HECW2: variants seen among roughly 807,000 people sequenced by gnomAD.
HECW2 encodes the protein HECT, C2 and WW domain containing E3 ubiquitin protein ligase 2, also known as E3 ubiquitin-protein ligase HECW2.
In HECW2, 61 loss-of-function variants were observed where a neutral mutation model predicts 175.2. The ratio of observed to expected loss-of-function variants is 0.35; its 90% CI spans 0.28 to 0.43. The LOEUF is 0.43. Among genes scored for constraint, HECW2 ranks in the 20% least tolerant of loss-of-function variants. The pLI is 1.00. For synonymous variants in HECW2, 671 were observed against 731.0 expected (o/e 0.92, Z 1.32); for missense variants, 1,524 against 2,000.5 (o/e 0.76, Z 4.54).
chr2:196,212,186 T>A (rs1345085132), intron 28 of HECW2, among the ~76,000 whole-genome samples: 1 of 106,552 alleles, frequency 9.4e-6, no homozygotes, highest in Non-Finnish European at 1.9e-5. Flanking sequence ...TTCTCCCATG[T>A]GTGCAATGTA....
intron 2 of HECW2, among the ~76,000 whole-genome samples, chr2:196,346,700 T>C (rs1692965727): frequency 6.6e-6 from 1 of 152,132 alleles, no homozygotes; most frequent in Admixed American, 6.5e-5. Flanking sequence ...TCATAGGCCA[T>C]GTAGAAAATT....
chr2:196,352,362 C>T (rs1028416512), intron 2 of HECW2, among the ~76,000 whole-genome samples: 4 of 152,104 alleles, frequency 2.6e-5, no homozygotes, highest in African/African-American at 7.2e-5. Flanking sequence ...AAAAACAACA[C>T]GGGCTTAGAA....
chr2:196,473,011 G>T (rs1350484207), intron 1 of HECW2, among the ~76,000 whole-genome samples: 1 of 152,130 alleles, frequency 6.6e-6, no homozygotes, highest in Non-Finnish European at 1.5e-5. Context: ...ATTTCATAAT[G>T]AAATTGTAGA....
chr2:196,275,528 C>T (rs373629901), intron 15 of HECW2, among the ~76,000 whole-genome samples: 12 of 152,046 alleles, frequency 7.9e-5, no homozygotes, highest in African/African-American at 1.9e-4. Context: ...CCAAGGCGGG[C>T]GGATTACAAG....
At chr2:196,296,350 C>T (rs1023823777) in intron 13 of HECW2, among the ~76,000 whole-genome samples, 33 of 152,028 alleles carry the variant, frequency 2.2e-4, no homozygotes, top group African/African-American at 4.8e-4. Context: ...TCCATAGGCA[C>T]GTGAGATTCA....
At chr2:196,233,927 C>G (rs1160091629) in intron 21 of HECW2, among the ~76,000 whole-genome samples, 1 of 152,124 alleles carries the variant, frequency 6.6e-6, no homozygotes, top group Admixed American at 6.5e-5. Context: ...CAGATCTCAT[C>G]CTCCCTAGTT....
intron 2 of HECW2, among the ~76,000 whole-genome samples, chr2:196,347,142 T>C (rs1044300785): frequency 6.7e-6 from 1 of 150,100 alleles, no homozygotes; most frequent in African/African-American, 2.4e-5. Context: ...AACCTCTGCC[T>C]CCTGGGTTCA....
intron 2 of HECW2, among the ~76,000 whole-genome samples, chr2:196,357,642 T>C (rs1302296715): frequency 1.3e-5 from 2 of 152,196 alleles, no homozygotes; most frequent in Non-Finnish European, 2.9e-5. Context: ...GTAATCCCCA[T>C]GTGCCAAGGG....
chr2:196,396,887 G>A (rs913753564), intron 2 of HECW2, among the ~76,000 whole-genome samples: 4 of 152,036 alleles, frequency 2.6e-5, no homozygotes, highest in Non-Finnish European at 4.4e-5. Flanking sequence ...CGAGGCGGAC[G>A]GATCACGAGG....
At chr2:196,300,866 C>CTT (rs56333864) in intron 13 of HECW2, among the ~76,000 whole-genome samples, 11 of 150,868 alleles carry the variant, frequency 7.3e-5, no homozygotes, top group Admixed American at 1.3e-4. Context: ...ATCAGTTGCT[C>CTT]TTTTTTTTTC....
At chr2:196,332,108 T>A (rs932080347) in intron 4 of HECW2, among the ~76,000 whole-genome samples, 1 of 152,012 alleles carries the variant, frequency 6.6e-6, no homozygotes, top group Non-Finnish European at 1.5e-5. Flanking sequence ...CTTTTTTTTT[T>A]AATCTTCAAT....
chr2:196,589,249 G>T (rs965451425), intron 1 of HECW2, among the ~76,000 whole-genome samples: 13 of 152,106 alleles, frequency 8.5e-5, no homozygotes, highest in African/African-American at 3.1e-4. Context: ...TGCTGACCAA[G>T]CTTTTGAGGA....
At chr2:196,295,407 GAT>G (rs202111854) in intron 13 of HECW2, among the ~76,000 whole-genome samples, 1,891 of 152,250 alleles carry the variant, frequency 0.012, 35 homozygotes, top group African/African-American at 0.043. Flanking sequence ...CAGTGTTGCT[GAT>G]ATATTTTCAC....
chr2:196,486,443 C>G (rs566131086), intron 1 of HECW2, among the ~76,000 whole-genome samples: 1 of 152,206 alleles, frequency 6.6e-6, no homozygotes, highest in East Asian at 1.9e-4. Context: ...ACAGATGCAA[C>G]CCCCCTGGGC....
At chr2:196,243,036 T>C (rs1270124069) in intron 19 of HECW2, among the ~76,000 whole-genome samples, 5 of 152,166 alleles carry the variant, frequency 3.3e-5, no homozygotes. Flanking sequence ...AGAATGATTT[T>C]AGACACATAA....
chr2:196,292,493 T>C (rs1168184649), intron 14 of HECW2, 72 bp downstream of exon 14: 1 of 1,302,338 alleles, frequency 7.7e-7, no homozygotes, highest in African/African-American at 1.5e-5. Flanking sequence ...ACTTGAAGGG[T>C]AGGGCCAAGT....
chr2:196,240,646 A>C, intron 20 of HECW2, 84 bp from the exon 21 acceptor site: 1 of 1,235,164 alleles, frequency 8.1e-7, no homozygotes. Context: ...GAACATTTCC[A>C]TTTGCCACAA....
intron 1 of HECW2, among the ~76,000 whole-genome samples, chr2:196,557,677 T>C (rs1369046323): frequency 2.0e-5 from 3 of 152,110 alleles, no homozygotes; most frequent in African/African-American, 7.2e-5. Flanking sequence ...TAAAATGACA[T>C]TAAAATCATG....
At chr2:196,546,066 A>G (rs1689410835) in intron 1 of HECW2, among the ~76,000 whole-genome samples, 1 of 152,242 alleles carries the variant, frequency 6.6e-6, no homozygotes, top group South Asian at 2.1e-4. Flanking sequence ...ATTATTTCGA[A>G]CACAAGGAGT....
Sources: allele counts gnomAD v4.1 joint callset (sites outside exome capture counted in the v4.1 genomes callset), GRCh38; gene constraint gnomAD v4.1.1; transcripts MANE v1.5; gene names NCBI Gene and HGNC (gene_info 2026-07-23, HGNC 2026-07-21).